The following SESTD1 variants were observed in gnomAD, a reference collection of about 807,000 sequenced individuals.
SESTD1 encodes SEC14 and spectrin domain containing 1, also known as SEC14 domain and spectrin repeat-containing protein 1.
In SESTD1, 43 loss-of-function variants were observed where a neutral mutation model predicts 101.7. The ratio of observed to expected loss-of-function variants is 0.42; its 90% CI spans 0.33 to 0.55. The LOEUF is 0.55. Among genes scored for constraint, SESTD1 ranks in the 20% least tolerant of loss-of-function variants. The probability of loss-of-function intolerance (pLI) is 0.07; values close to 1 mark genes in which losing one functional copy is unlikely to be tolerated. For synonymous variants in SESTD1, 283 were observed against 286.8 expected (o/e 0.99, Z 0.13); for missense variants, 647 against 815.1 (o/e 0.79, Z 2.51).
chr2:179,111,781 G>A (rs930985337), intron 17 of SESTD1, among the ~76,000 whole-genome samples: 10 of 149,624 alleles, frequency 6.7e-5, no homozygotes, highest in Admixed American at 3.3e-4. Context: ...GCGCAGTGGC[G>A]TGATCTCGGC....
intron 5 of SESTD1, 79 bp from the exon 6 acceptor site, chr2:179,151,470 G>C: frequency 1.2e-6 from 1 of 864,902 alleles, no homozygotes; most frequent in Non-Finnish European, 1.7e-6. Context: ...GGTAAAATTA[G>C]GTTAAAATAT....
At chr2:179,229,248 T>G (rs564166130) in intron 1 of SESTD1, among the ~76,000 whole-genome samples, 2 of 152,302 alleles carry the variant, frequency 1.3e-5, no homozygotes, top group South Asian at 4.1e-4. Context: ...AGCCATTACT[T>G]TCCCCAATGT....
intron 9 of SESTD1, among the ~76,000 whole-genome samples, chr2:179,137,434 G>A (rs2045171889): frequency 6.6e-6 from 1 of 152,200 alleles, no homozygotes; most frequent in African/African-American, 2.4e-5. Flanking sequence ...GTATGCTTAT[G>A]CAATGCAGTG....
chr2:179,141,435 A>G (rs907588798), intron 9 of SESTD1, among the ~76,000 whole-genome samples: 9 of 151,984 alleles, frequency 5.9e-5, no homozygotes, highest in African/African-American at 2.2e-4. Context: ...ATTATCTCCC[A>G]TGAAGCAAGA....
At chr2:179,257,360 A>C (rs566447863) in intron 1 of SESTD1, among the ~76,000 whole-genome samples, 60 of 152,240 alleles carry the variant, frequency 3.9e-4, no homozygotes, top group Admixed American at 7.9e-4. Context: ...GGCTCAGAGG[A>C]TCCGTAGCAC....
chr2:179,118,731 A>T (rs2044688092), intron 13 of SESTD1, among the ~76,000 whole-genome samples: 1 of 152,234 alleles, frequency 6.6e-6, no homozygotes, highest in African/African-American at 2.4e-5. Flanking sequence ...TACTGTATTC[A>T]GGTATTAGAT....
chr2:179,217,511 T>C (rs895352977), intron 1 of SESTD1, among the ~76,000 whole-genome samples: 1 of 152,154 alleles, frequency 6.6e-6, no homozygotes, highest in Non-Finnish European at 1.5e-5. Context: ...AAATAAAAAC[T>C]GTTTTACACT....
chr2:179,122,035 G>C, intron 12 of SESTD1, 106 bp from the exon 13 acceptor site: 1 of 1,094,318 alleles, frequency 9.1e-7, no homozygotes, highest in Non-Finnish European at 1.2e-6. Context: ...AAGTATAGGA[G>C]CTTTGTACAG....
chr2:179,181,975 G>T (rs762688795), intron 3 of SESTD1, among the ~76,000 whole-genome samples: 1 of 128,430 alleles, frequency 7.8e-6, no homozygotes, highest in Non-Finnish European at 1.6e-5. Context: ...CATGAAGACC[G>T]CTGTTTCCAC....
chr2:179,122,903 T>A (rs978648213), intron 12 of SESTD1, among the ~76,000 whole-genome samples: 1 of 151,468 alleles, frequency 6.6e-6, no homozygotes. Context: ...CTCAAAAAAA[T>A]AAAATAACAA....
intron 1 of SESTD1, among the ~76,000 whole-genome samples, chr2:179,253,635 T>C (rs759793964): frequency 1.3e-4 from 20 of 152,216 alleles, no homozygotes; most frequent in Non-Finnish European, 2.6e-4. Context: ...AATATAGGAA[T>C]AGGTACTGAA....
intron 4 of SESTD1, among the ~76,000 whole-genome samples, chr2:179,174,817 C>T (rs938291275): frequency 5.3e-5 from 8 of 151,984 alleles, no homozygotes; most frequent in African/African-American, 1.9e-4. Context: ...GGTGTGGTGG[C>T]GCTCGCCTCC....
chr2:179,226,176 A>T (rs2046882696), intron 1 of SESTD1, among the ~76,000 whole-genome samples: 1 of 152,214 alleles, frequency 6.6e-6, no homozygotes, highest in South Asian at 2.1e-4. Flanking sequence ...CAAAATCTCA[A>T]GGGAAGGCAG....
chr2:179,217,904 C>T (rs1481433119), intron 1 of SESTD1, among the ~76,000 whole-genome samples: 5 of 151,976 alleles, frequency 3.3e-5, no homozygotes, highest in East Asian at 3.9e-4. Flanking sequence ...ACCACATGTT[C>T]TCACTCATAG....
chr2:179,190,255 T>C (rs996513084), intron 2 of SESTD1, among the ~76,000 whole-genome samples: 3 of 151,990 alleles, frequency 2.0e-5, no homozygotes, highest in African/African-American at 4.8e-5. Context: ...CACATACCTA[T>C]AGCCTTCTGA....
At chr2:179,198,897 T>C (rs2046451203) in intron 1 of SESTD1, among the ~76,000 whole-genome samples, 1 of 151,508 alleles carries the variant, frequency 6.6e-6, no homozygotes, top group African/African-American at 2.4e-5. Flanking sequence ...TTAAAAGAAC[T>C]AGAAAAGCAA....
intron 2 of SESTD1, among the ~76,000 whole-genome samples, chr2:179,188,266 T>C (rs929311485): frequency 1.3e-5 from 2 of 152,106 alleles, no homozygotes; most frequent in Non-Finnish European, 2.9e-5. Context: ...TAGAAATCAA[T>C]ACCAAGAAGA....
chr2:179,145,954 TTAAG>T (rs922798268), intron 8 of SESTD1, among the ~76,000 whole-genome samples: 31 of 151,744 alleles, frequency 2.0e-4, no homozygotes, highest in African/African-American at 7.3e-4. Context: ...TAAATCCAAA[TTAAG>T]AGAGAGATTA....
rs929487423 is a variant in SESTD1 at position 179,145,927 on chromosome 2, T to G, written c.637+475A>C. Among the ~76,000 whole-genome samples, 17 of 152,208 alleles carry G rather than the reference T, an allele frequency of 1.1e-4. 1 individual carries two copies. Among genetic ancestry groups the G allele is most frequent in the Non-Finnish European group, 1.2e-4 (8 of 68,040 alleles). On this transcript the variant is annotated intron_variant, in intron 8 of 17. Transcript: ENST00000428443. ...AGTGAAATAAAAATTTTCATCTTCA[T>G]TTTATAGATAATAAATTAAATCCAA...
Sources: allele counts gnomAD v4.1 joint callset (sites outside exome capture counted in the v4.1 genomes callset), GRCh38; gene constraint gnomAD v4.1.1; transcripts MANE v1.5; gene names NCBI Gene and HGNC (gene_info 2026-07-23, HGNC 2026-07-21).